POGLUT1: variants seen among roughly 807,000 people sequenced by gnomAD.
POGLUT1 encodes the protein 9630046K23Rik.
Under a neutral mutation model 61.3 loss-of-function variants are expected in POGLUT1, and 32 were observed. The ratio of observed to expected loss-of-function variants is 0.52; its 90% confidence interval spans 0.39 to 0.70. The LOEUF is 0.70. POGLUT1 is among the 30% of genes least tolerant of loss of function. POGLUT1 has a pLI of 0.00. For synonymous variants in POGLUT1, 158 were observed against 158.2 expected (o/e 1.00, Z 0.01); for missense variants, 411 against 469.8 (o/e 0.87, Z 1.16).
At chr3:119,474,331 A>G (rs552640328) in intron 3 of POGLUT1, among the ~76,000 whole-genome samples, 3 of 152,156 alleles carry the variant, frequency 2.0e-5, no homozygotes, top group South Asian at 4.2e-4. Context: ...GTGTACACTG[A>G]TAAGTCTTCA....
At position 119,494,193 on chromosome 3, in the gene POGLUT1, A is replaced by C. The variant is rs985732236; in HGVS notation, c.*1755A>C. The C allele has an allele frequency of 1.3e-5, 2 of 152,042 alleles. No individual in the cohort carries two copies. Among genetic ancestry groups the C allele is most frequent in the African/African-American group, 4.8e-5 (2 of 41,360 alleles). The allele number at this position is 152,042 out of a possible 1,614,324, so 9.4% of individuals were successfully genotyped here. On this transcript the variant is annotated 3_prime_UTR_variant, in exon 11 of 11. Transcript: ENST00000295588. Reference sequence around the variant, plus strand: ...CTGTAGTTGCTTGACTGTTTCTCCTACTGTTCTGTAAACTTATTAATGGGT... The same window carrying C: ...CTGTAGTTGCTTGACTGTTTCTCCTCCTGTTCTGTAAACTTATTAATGGGT...
intron 3 of POGLUT1, among the ~76,000 whole-genome samples, chr3:119,473,149 G>GA (rs1309111587): frequency 2.6e-5 from 4 of 152,134 alleles, no homozygotes; most frequent in African/African-American, 9.7e-5. Flanking sequence ...GGTTGTAGAG[G>GA]AAAAAATCGT....
At chr3:119,486,785 T>C (rs759527365) in intron 6 of POGLUT1, 48 bp from the exon 7 acceptor site, 2 of 1,317,150 alleles carry the variant, frequency 1.5e-6, no homozygotes, top group Admixed American at 3.4e-5. Flanking sequence ...TTGGGAACAG[T>C]TTTCTAATAC....
intron 8 of POGLUT1, 51 bp from the exon 9 acceptor site, chr3:119,490,500 T>C (rs763415331): frequency 2.7e-6 from 4 of 1,470,022 alleles, no homozygotes; most frequent in Admixed American, 3.4e-5. Context: ...AAGGTCATAT[T>C]TGTGGCAGCA....
intron 7 of POGLUT1, 85 bp from the exon 8 acceptor site, chr3:119,488,844 A>G: frequency 1.4e-6 from 1 of 708,306 alleles, no homozygotes; most frequent in South Asian, 1.7e-5. Flanking sequence ...GGTAATGTTG[A>G]TGAAATGTTT....
At chr3:119,478,403 T>C (rs1307341430) in intron 4 of POGLUT1, 1 of 456,738 alleles carries the variant, frequency 2.2e-6, no homozygotes, top group South Asian at 1.5e-5. Flanking sequence ...TGGTCTAGCC[T>C]CATTTCTCGA....
At chr3:119,480,503 C>T (rs2081593698) in intron 5 of POGLUT1, among the ~76,000 whole-genome samples, 2 of 152,130 alleles carry the variant, frequency 1.3e-5, no homozygotes, top group South Asian at 2.1e-4. Flanking sequence ...CCACCTCAGC[C>T]TCCCAAAGTG....
intron 5 of POGLUT1, among the ~76,000 whole-genome samples, chr3:119,483,468 G>C (rs953406406): frequency 6.6e-6 from 1 of 152,150 alleles, no homozygotes; most frequent in South Asian, 2.1e-4. Flanking sequence ...AACCTCTAAA[G>C]GACCTCATTT....
chr3:119,469,272 G>T, intron 1 of POGLUT1, 166 bp downstream of exon 1: 1 of 633,868 alleles, frequency 1.6e-6, no homozygotes, highest in South Asian at 1.8e-5. Flanking sequence ...AGGTGCCGGG[G>T]TCTCTGCTCC....
chr3:119,481,844 T>C (rs1358491831), intron 5 of POGLUT1, among the ~76,000 whole-genome samples: 2 of 152,206 alleles, frequency 1.3e-5, no homozygotes, highest in Non-Finnish European at 2.9e-5. Flanking sequence ...TTTCCTGACA[T>C]TGAGACTGTC....
chr3:119,486,997 C>A, intron 7 of POGLUT1, 65 bp downstream of exon 7: 1 of 1,047,818 alleles, frequency 9.5e-7, no homozygotes, highest in Non-Finnish European at 1.5e-6. Flanking sequence ...ACATTGCCAC[C>A]TGGGTAGAAT....
rs898982892 is a variant in POGLUT1 at position 119,486,858 on chromosome 3, A to G, written c.664A>G (p.Ile222Val). ...SRTSPERDPL[I>V]LLSRKNPKLV... ...GACAAGTCCAGAACGAGATCCTCTC[A>G]TTCTTCTGTCTCGGAAAAACCCAAA... Residue 222 changes from isoleucine to valine, a missense_variant, in exon 7 of 11, where the codon ATT becomes GTT. By Grantham distance (29) the Ile-to-Val change is conservative. Transcript: ENST00000295588. The G allele has an allele frequency of 1.2e-6, 2 of 1,612,256 alleles. No individual in the cohort carries two copies. The highest frequency in any genetic ancestry group is 1.7e-6 in the Non-Finnish European group (2 of 1,178,254).
At chr3:119,470,249 C>A (rs905222518) in intron 2 of POGLUT1, among the ~76,000 whole-genome samples, 1 of 152,180 alleles carries the variant, frequency 6.6e-6, no homozygotes, top group Non-Finnish European at 1.5e-5. Context: ...ATCGCTGAAT[C>A]TAGTCCTAAA....
chr3:119,485,822 A>C (rs1336056608), intron 6 of POGLUT1, among the ~76,000 whole-genome samples: 1 of 152,212 alleles, frequency 6.6e-6, no homozygotes, highest in Non-Finnish European at 1.5e-5. Flanking sequence ...GGTTAAGAGC[A>C]CAGACTGAGA....
At chr3:119,472,736 A>G (rs975712650) in intron 3 of POGLUT1, among the ~76,000 whole-genome samples, 1 of 152,216 alleles carries the variant, frequency 6.6e-6, no homozygotes, top group African/African-American at 2.4e-5. Flanking sequence ...AAATAAATGT[A>G]AACAAGAAAA....
chr3:119,487,358 G>A (rs556103969), intron 7 of POGLUT1, among the ~76,000 whole-genome samples: 5 of 152,188 alleles, frequency 3.3e-5, no homozygotes, highest in African/African-American at 4.8e-5. Flanking sequence ...GAGGCGAGGC[G>A]GGTGGATCAC....
At chr3:119,478,288 C>T (rs770199161) in intron 4 of POGLUT1, 53 of 453,204 alleles carry the variant, frequency 1.2e-4, no homozygotes, top group South Asian at 8.1e-4. Context: ...AGCAGAGGGA[C>T]CTTTTATCCC....
chr3:119,470,735 AG>A (rs2081460230), intron 2 of POGLUT1, among the ~76,000 whole-genome samples: 1 of 152,350 alleles, frequency 6.6e-6, no homozygotes, highest in South Asian at 2.1e-4. Context: ...GCTAAATAAC[AG>A]GGTCTTTTAA....
intron 5 of POGLUT1, among the ~76,000 whole-genome samples, chr3:119,480,549 ATTTATT>A (rs1182435929): frequency 6.6e-6 from 1 of 151,206 alleles, no homozygotes; most frequent in Non-Finnish European, 1.5e-5. Context: ...CGCCCAGCCT[ATTTATT>A]TTTAAGTGAC....
Sources: gnomAD v4.1 joint callset for allele counts (sites outside exome capture counted in the v4.1 genomes callset) on GRCh38, gnomAD v4.1.1 for gene constraint, MANE v1.5 for transcripts, NCBI Gene and HGNC (gene_info 2026-07-23, HGNC 2026-07-21) for gene names.